Variants in BTD observed in about 807,000 individuals in gnomAD.
The protein encoded by BTD is biotinidase.
In BTD, 13 loss-of-function variants were observed where a neutral mutation model predicts 17.7. That is an observed-to-expected ratio of 0.74 (90% CI 0.48 to 1.17). The LOEUF is 1.17. BTD is among the 50% of genes most tolerant of loss of function. The probability of loss-of-function intolerance (pLI) is 0.00; values close to 1 mark genes in which losing one functional copy is unlikely to be tolerated. For synonymous variants in BTD, 240 were observed against 245.2 expected (o/e 0.98, Z 0.20); for missense variants, 674 against 650.4 (o/e 1.04, Z -0.39).
intron 3 of BTD, among the ~76,000 whole-genome samples, chr3:15,675,322 A>G (rs1234603744): frequency 6.6e-6 from 1 of 152,194 alleles, no homozygotes; most frequent in East Asian, 1.9e-4. Context: ...GAGAGGAATA[A>G]CTGCGGACAG....
chr3:15,662,792 G>A lies in BTD; in HGVS notation c.399+20735G>A, dbSNP rs1314178817. On this transcript the variant is annotated intron_variant, in intron 3 of 3. Coordinates refer to the BTD transcript ENST00000672141. Reference sequence around the variant, plus strand: ...TGGAACTATAGGTGTGTGCCACCATGCCTGGCTAATTTTTGTATTTTTTGT... The same window carrying A: ...TGGAACTATAGGTGTGTGCCACCATACCTGGCTAATTTTTGTATTTTTTGT... Among the ~76,000 whole-genome samples, 4 of 150,126 alleles carry A rather than the reference G, an allele frequency of 2.7e-5. No homozygotes were observed. In the East Asian group the frequency reaches 7.8e-4, roughly 29 times the overall value.
chr3:15,667,994 AGAATGTGCG>A (rs2066070039), intron 3 of BTD: 1 of 152,264 alleles, frequency 6.6e-6, no homozygotes, highest in African/African-American at 2.4e-5. Flanking sequence ...AAGACATGGC[AGAATGTGCG>A]AGATTCATCC....
intron 1 of BTD, among the ~76,000 whole-genome samples, chr3:15,602,790 C>T (rs6442534): frequency 0.011 from 1,603 of 152,068 alleles, 27 homozygotes; most frequent in African/African-American, 0.036. Context: ...TCAACCCCAC[C>T]CCAAGCAGAG....
intron 1 of BTD, among the ~76,000 whole-genome samples, chr3:15,623,241 G>A (rs930523320): frequency 6.6e-6 from 1 of 152,174 alleles, no homozygotes; most frequent in African/African-American, 2.4e-5. Flanking sequence ...AACCATATCA[G>A]TTACTATTAG....
At chr3:15,707,344 C>A (rs954193827) in intron 3 of BTD, among the ~76,000 whole-genome samples, 5 of 152,154 alleles carry the variant, frequency 3.3e-5, no homozygotes, top group Non-Finnish European at 7.3e-5. Flanking sequence ...GTTTATGCAT[C>A]ATTTATTCTT....
chr3:15,624,355 A>G (rs1228384161), intron 1 of BTD, among the ~76,000 whole-genome samples: 1 of 151,852 alleles, frequency 6.6e-6, no homozygotes, highest in Non-Finnish European at 1.5e-5. Flanking sequence ...CCCATTGTAC[A>G]TATTTATAAC....
chr3:15,671,641 T>C (rs2066371117), intron 3 of BTD, among the ~76,000 whole-genome samples: 3 of 151,018 alleles, frequency 2.0e-5, no homozygotes, highest in Admixed American at 2.0e-4. Flanking sequence ...TGAAGTTCAG[T>C]GGTGCAAACT....
rs886091589 is a variant in BTD at position 15,705,079 on chromosome 3, T to C, written c.400-4981T>C. Among the ~76,000 whole-genome samples the C allele has an allele frequency of 2.3e-4, 35 of 152,310 alleles. 5 individuals carry two copies. Among genetic ancestry groups the C allele is most frequent in the Admixed American group, 9.8e-4 (15 of 15,300 alleles). On this transcript the variant is annotated intron_variant, in intron 3 of 3. Coordinates refer to the BTD transcript ENST00000672141. ...CAGTATGGAAACTCCAAGATTTAAATTGGGTCTTTCGGATCCCAAGTATCA... is the reference window on the plus strand; with the variant it reads ...CAGTATGGAAACTCCAAGATTTAAACTGGGTCTTTCGGATCCCAAGTATCA...
At chr3:15,684,161 T>C (rs2067849085) in intron 3 of BTD, 1 of 152,242 alleles carries the variant, frequency 6.6e-6, no homozygotes, top group Non-Finnish European at 1.5e-5. Context: ...ATAATGTACT[T>C]GAGTTTTCTA....
chr3:15,662,421 A>G (rs550090192), intron 3 of BTD, among the ~76,000 whole-genome samples: 1 of 152,242 alleles, frequency 6.6e-6, no homozygotes, highest in South Asian at 2.1e-4. Flanking sequence ...CACTGCTGGC[A>G]TATGAGAAAG....
Position 15,685,424 on chromosome 3 carries a change from A to C in BTD, c.400-24636A>C. ...CCATGTTGAAGTAATGCATCTACAC[A>C]TTCTTCATGGCCTGTAACTGCCTGA... On this transcript the variant is annotated intron_variant, in intron 3 of 3. Coordinates refer to the BTD transcript ENST00000672141. 2 of 1,614,016 alleles carry C rather than the reference A, an allele frequency of 1.2e-6. No homozygotes were observed.
At chr3:15,601,431 C>T, upstream of BTD, 1 of 1,613,900 alleles carries the variant, frequency 6.2e-7, no homozygotes, top group Non-Finnish European at 8.5e-7. Context: ...ACACCTGCTC[C>T]TCGCTGCGCT....
At chr3:15,712,416 T>C (rs759272803) in exon 4 of BTD, among the ~76,000 whole-genome samples, 12 of 152,216 alleles carry the variant, frequency 7.9e-5, no homozygotes, top group Non-Finnish European at 1.5e-4. Context: ...AAAAGTCAGG[T>C]TTCTCACCTT....
intron 3 of BTD, chr3:15,684,988 A>G: frequency 4.0e-6 from 2 of 506,050 alleles, no homozygotes. Context: ...GAAAAGAAAA[A>G]CCTCAAAAAT....
At chr3:15,681,215 A>G (rs2067507365) in intron 3 of BTD, among the ~76,000 whole-genome samples, 1 of 152,210 alleles carries the variant, frequency 6.6e-6, no homozygotes, top group South Asian at 2.1e-4. Context: ...AATTCAATGT[A>G]AATGCTATAT....
intron 3 of BTD, chr3:15,696,047 G>T: frequency 1.1e-6 from 1 of 913,052 alleles, no homozygotes; most frequent in South Asian, 1.6e-5. Flanking sequence ...AATGGAATTT[G>T]TTCCTTGATC....
chr3:15,686,174 T>C (rs1347936059), intron 3 of BTD: 10 of 1,595,556 alleles, frequency 6.3e-6, no homozygotes, highest in Non-Finnish European at 8.6e-6. Flanking sequence ...TACTCTGGTT[T>C]TCGAAATACG....
At chr3:15,614,549 G>C (rs2125368510) in intron 1 of BTD, among the ~76,000 whole-genome samples, 1 of 150,006 alleles carries the variant, frequency 6.7e-6, no homozygotes, top group East Asian at 2.0e-4. Context: ...GATTCTAACG[G>C]CCATGCCACA....
At chr3:15,601,944 G>A in intron 1 of BTD, 50 bp downstream of exon 1, 1 of 1,602,848 alleles carries the variant, frequency 6.2e-7, no homozygotes, top group Non-Finnish European at 8.5e-7. Context: ...AAGGGCGTGC[G>A]GTCCAGACCC....
Sources: allele counts gnomAD v4.1 joint callset (sites outside exome capture counted in the v4.1 genomes callset), GRCh38; gene constraint gnomAD v4.1.1; transcripts MANE v1.5; gene names NCBI Gene and HGNC (gene_info 2026-07-23, HGNC 2026-07-21).